XIRP2: variants seen among roughly 807,000 people sequenced by gnomAD.
XIRP2 encodes xin actin-binding repeat-containing protein 2.
XIRP2 carries 236 observed loss-of-function variants against 277.0 expected under a neutral mutation model. The observed-to-expected ratio is 0.85, with a 90% CI of 0.77 to 0.95. The LOEUF is 0.95. XIRP2 is among the 40% of genes least tolerant of loss of function. The probability of loss-of-function intolerance (pLI) is 0.00; values close to 1 mark genes in which losing one functional copy is unlikely to be tolerated. For synonymous variants in XIRP2, 1,490 were observed against 1,416.5 expected, an observed-to-expected ratio of 1.05 and a Z score of -1.17; for missense variants, 4,640 against 4,157.5, an observed-to-expected ratio of 1.12 and a Z score of -3.19.
At chr2:167,076,879 C>T (rs550043476) in intron 2 of XIRP2, among the ~76,000 whole-genome samples, 14 of 152,118 alleles carry the variant, frequency 9.2e-5, no homozygotes, top group African/African-American at 2.6e-4. Flanking sequence ...TCTCTTAGGT[C>T]GGAGTGCAGT....
intron 1 of XIRP2, among the ~76,000 whole-genome samples, chr2:166,901,775 T>C (rs1684392710): frequency 6.6e-6 from 1 of 152,114 alleles, no homozygotes; most frequent in Non-Finnish European, 1.5e-5. Flanking sequence ...TACTGTTTTA[T>C]TGAGATTTTT....
chr2:166,940,370 G>T (rs1308180775), intron 2 of XIRP2, among the ~76,000 whole-genome samples: 1 of 152,074 alleles, frequency 6.6e-6, no homozygotes, highest in Non-Finnish European at 1.5e-5. Flanking sequence ...AAGGTTTTTA[G>T]CCTCTTTGCG....
intron 3 of XIRP2, among the ~76,000 whole-genome samples, chr2:167,208,452 C>T (rs570877626): frequency 2.7e-4 from 41 of 152,230 alleles, no homozygotes; most frequent in East Asian, 7.8e-4. Flanking sequence ...GGACTACAGG[C>T]GCCCGCCACC....
At chr2:166,950,926 T>C (rs547111034) in intron 2 of XIRP2, among the ~76,000 whole-genome samples, 1 of 152,022 alleles carries the variant, frequency 6.6e-6, no homozygotes, top group Non-Finnish European at 1.5e-5. Context: ...CAGCACAGAA[T>C]AGACACTCAG....
chr2:167,114,588 C>T (rs191773829), intron 2 of XIRP2, among the ~76,000 whole-genome samples: 1 of 151,824 alleles, frequency 6.6e-6, no homozygotes, highest in Non-Finnish European at 1.5e-5. Context: ...AAAGCTATCC[C>T]TCCCCCTTCC....
At chr2:167,057,103 A>C (rs1689054676) in intron 2 of XIRP2, among the ~76,000 whole-genome samples, 1 of 152,228 alleles carries the variant, frequency 6.6e-6, no homozygotes, top group Non-Finnish European at 1.5e-5. Flanking sequence ...AAGGATCACT[A>C]AATATTTATT....
At chr2:167,075,846 T>A (rs1046641697) in intron 2 of XIRP2, among the ~76,000 whole-genome samples, 3 of 150,422 alleles carry the variant, frequency 2.0e-5, no homozygotes, top group Admixed American at 6.7e-5. Flanking sequence ...ATTGATGGGG[T>A]TTCGCCATGT....
intron 2 of XIRP2, among the ~76,000 whole-genome samples, chr2:166,920,904 C>A (rs962505566): frequency 6.6e-6 from 1 of 152,032 alleles, no homozygotes; most frequent in African/African-American, 2.4e-5. Context: ...AGTCCAGAGG[C>A]CTTACTCTTG....
At chr2:167,002,265 A>G (rs1187135415) in intron 2 of XIRP2, among the ~76,000 whole-genome samples, 1 of 152,076 alleles carries the variant, frequency 6.6e-6, no homozygotes, top group African/African-American at 2.4e-5. Context: ...AGAGCCAGTT[A>G]TGCCCTGGAT....
chr2:167,091,513 C>G (rs1306220468), intron 2 of XIRP2, among the ~76,000 whole-genome samples: 4 of 152,136 alleles, frequency 2.6e-5, no homozygotes, highest in Non-Finnish European at 4.4e-5. Context: ...TTTTCTCCCT[C>G]TATAATTTCC....
intron 2 of XIRP2, among the ~76,000 whole-genome samples, chr2:167,039,860 A>G (rs562282223): frequency 1.6e-4 from 24 of 152,344 alleles, no homozygotes; most frequent in African/African-American, 5.8e-4. Flanking sequence ...TATAACTTTT[A>G]ACCAAATAAT....
intron 2 of XIRP2, among the ~76,000 whole-genome samples, chr2:166,919,408 C>T (rs1373487080): frequency 3.3e-5 from 5 of 152,152 alleles, no homozygotes; most frequent in African/African-American, 1.2e-4. Flanking sequence ...TATTGGATGA[C>T]ATGAGACAAA....
chr2:166,931,655 T>C (rs1451736245), intron 2 of XIRP2, among the ~76,000 whole-genome samples: 5 of 152,220 alleles, frequency 3.3e-5, no homozygotes, highest in African/African-American at 1.2e-4. Context: ...AATAATTTGC[T>C]TAACCATTCT....
chr2:167,209,256 AACCAAAT>A (rs1361426737), intron 3 of XIRP2, among the ~76,000 whole-genome samples: 5 of 152,198 alleles, frequency 3.3e-5, no homozygotes, highest in African/African-American at 1.2e-4. Flanking sequence ...CTCTATGGAA[AACCAAAT>A]ACTCTAGGAA....
chr2:167,023,534 C>G (rs1005007994), intron 2 of XIRP2, among the ~76,000 whole-genome samples: 3 of 151,954 alleles, frequency 2.0e-5, no homozygotes, highest in African/African-American at 7.3e-5. Flanking sequence ...CTTGCCCATG[C>G]CTATGTCCTG....
intron 2 of XIRP2, among the ~76,000 whole-genome samples, chr2:167,027,885 A>G (rs1172445304): frequency 6.6e-6 from 1 of 152,092 alleles, no homozygotes; most frequent in Non-Finnish European, 1.5e-5. Flanking sequence ...AAACTTCAGG[A>G]TCTCTTTGGT....
intron 2 of XIRP2, among the ~76,000 whole-genome samples, chr2:167,111,914 C>G (rs1355284042): frequency 1.3e-5 from 2 of 152,126 alleles, no homozygotes; most frequent in African/African-American, 4.8e-5. Flanking sequence ...AGGAATTCAT[C>G]CATTTCTCCT....
At chr2:167,045,062 C>A (rs906255093) in intron 2 of XIRP2, among the ~76,000 whole-genome samples, 6 of 151,772 alleles carry the variant, frequency 4.0e-5, no homozygotes, top group African/African-American at 1.5e-4. Context: ...ACAGGTGGAC[C>A]AATGGAACAT....
chr2:167,008,533 G>T (rs1365405772), intron 2 of XIRP2, among the ~76,000 whole-genome samples: 1 of 151,608 alleles, frequency 6.6e-6, no homozygotes, highest in African/African-American at 2.4e-5. Flanking sequence ...ATAACGGAGG[G>T]CAGCTATGGA....
Sources: gnomAD v4.1 joint callset for allele counts (sites outside exome capture counted in the v4.1 genomes callset) on GRCh38, gnomAD v4.1.1 for gene constraint, MANE v1.5 for transcripts, NCBI Gene and HGNC (gene_info 2026-07-23, HGNC 2026-07-21) for gene names.